The following ERBB4 variants were observed in gnomAD, a reference collection of about 807,000 sequenced individuals.
ERBB4 encodes erb-b2 receptor tyrosine kinase 4.
In ERBB4, 42 loss-of-function variants were observed where a neutral mutation model predicts 158.0. That is an observed-to-expected ratio of 0.27 (90% CI 0.21 to 0.34). ERBB4 has a LOEUF of 0.34. Among genes scored for constraint, ERBB4 ranks in the 10% least tolerant of loss-of-function variants. ERBB4 has a pLI of 1.00. For synonymous variants in ERBB4, 583 were observed against 558.7 expected (o/e 1.04, Z -0.61); for missense variants, 1,333 against 1,624.1 (o/e 0.82, Z 3.08).
intron 19 of ERBB4, among the ~76,000 whole-genome samples, chr2:211,596,955 G>C (rs1020440286): frequency 1.3e-5 from 2 of 152,162 alleles, no homozygotes; most frequent in Non-Finnish European, 2.9e-5. Flanking sequence ...TAGTAGAAAT[G>C]GGTTTTTGCC....
chr2:212,368,640 G>A (rs537595078), intron 1 of ERBB4, among the ~76,000 whole-genome samples: 5 of 152,200 alleles, frequency 3.3e-5, no homozygotes, highest in African/African-American at 1.2e-4. Flanking sequence ...ATAGCTGTTT[G>A]AGGCTGAGGA....
At chr2:211,965,113 A>C in intron 2 of ERBB4, among the ~76,000 whole-genome samples, 1 of 152,212 alleles carries the variant, frequency 6.6e-6, no homozygotes, top group East Asian at 1.9e-4. Flanking sequence ...CCTCTGCAAT[A>C]CCATGAAATA....
chr2:211,893,496 A>G (rs377603626), intron 3 of ERBB4, among the ~76,000 whole-genome samples: 1 of 141,164 alleles, frequency 7.1e-6, no homozygotes, highest in Non-Finnish European at 1.5e-5. Context: ...GGACATAGGC[A>G]TGGGCAAGGA....
intron 3 of ERBB4, among the ~76,000 whole-genome samples, chr2:211,904,316 T>C (rs1297561016): frequency 6.6e-6 from 1 of 152,100 alleles, no homozygotes; most frequent in African/African-American, 2.4e-5. Flanking sequence ...TCATGTACAT[T>C]CTTGAACAGT....
At chr2:211,618,387 T>C (rs952454501) in intron 19 of ERBB4, among the ~76,000 whole-genome samples, 1 of 152,060 alleles carries the variant, frequency 6.6e-6, no homozygotes, top group Non-Finnish European at 1.5e-5. Flanking sequence ...CCCATTTGCA[T>C]TAGTTTTTGT....
chr2:212,082,870 G>A (rs149624983), intron 2 of ERBB4, among the ~76,000 whole-genome samples: 12 of 152,100 alleles, frequency 7.9e-5, no homozygotes, highest in Non-Finnish European at 1.8e-4. Context: ...ACACAAATCA[G>A]AAATTTCCTT....
At chr2:211,831,670 G>A (rs923958075) in intron 3 of ERBB4, among the ~76,000 whole-genome samples, 15 of 152,142 alleles carry the variant, frequency 9.9e-5, no homozygotes, top group Admixed American at 6.6e-5. Context: ...GGGAGGCTGA[G>A]GTGGGTGGAT....
chr2:211,772,924 C>CACACACACACACACAT (rs1181682464), intron 4 of ERBB4, among the ~76,000 whole-genome samples: 6 of 36,724 alleles, frequency 1.6e-4, no homozygotes, highest in African/African-American at 8.9e-4. Context: ...CACACACACA[C>CACACACACACACACAT]ATATATATAT....
In ERBB4 at chr2:211,379,361, A is replaced by C. The variant is rs1480280616; in HGVS notation, c.*4254T>G. The C allele has an allele frequency of 4.4e-6, 1 of 227,956 alleles. No homozygotes were observed. Among genetic ancestry groups the C allele is most frequent in the East Asian group, 6.3e-5 (1 of 15,820 alleles). The allele number at this position is 227,956 out of a possible 1,614,324, so 14.1% of individuals were successfully genotyped here. A position where few individuals can be genotyped will look rare whatever the true frequency, so the allele number is the denominator to read the frequency against. On this transcript the variant is annotated 3_prime_UTR_variant, in exon 28 of 28. Transcript: ENST00000342788. ...AAGGTGGTGTTTATTTAAAAAAATA[A>C]ATAAATACAATTTTCTTTACATTTA... is the stretch of plus-strand genomic sequence containing the variant.
chr2:212,477,806 G>A (rs1490331153), intron 1 of ERBB4, among the ~76,000 whole-genome samples: 1 of 152,094 alleles, frequency 6.6e-6, no homozygotes, highest in African/African-American at 2.4e-5. Flanking sequence ...TGGTCATATG[G>A]ATAGGCCAGA....
chr2:212,524,499 A>T (rs1013357776), intron 1 of ERBB4, among the ~76,000 whole-genome samples: 5 of 151,980 alleles, frequency 3.3e-5, no homozygotes, highest in Non-Finnish European at 5.9e-5. Flanking sequence ...TATAGACACA[A>T]ATGACCCATC....
intron 20 of ERBB4, among the ~76,000 whole-genome samples, chr2:211,469,568 C>A (rs1419238663): frequency 6.6e-6 from 1 of 152,074 alleles, no homozygotes; most frequent in African/African-American, 2.4e-5. Flanking sequence ...AGAGGAAGAT[C>A]TTATAATGAC....
chr2:211,810,969 T>C, intron 3 of ERBB4, among the ~76,000 whole-genome samples: 1 of 152,160 alleles, frequency 6.6e-6, no homozygotes, highest in Non-Finnish European at 1.5e-5. Context: ...CCACCGCGCC[T>C]GGCCCAGTCT....
intron 3 of ERBB4, among the ~76,000 whole-genome samples, chr2:211,874,619 C>G (rs2078444691): frequency 6.6e-6 from 1 of 152,148 alleles, no homozygotes; most frequent in Admixed American, 6.5e-5. Context: ...GACCAGTGCT[C>G]TCTCCATACT....
intron 3 of ERBB4, among the ~76,000 whole-genome samples, chr2:211,806,507 G>C (rs2076619770): frequency 6.6e-6 from 1 of 151,962 alleles, no homozygotes; most frequent in African/African-American, 2.4e-5. Flanking sequence ...GAAAATAAGG[G>C]AGCACAGCAA....
chr2:211,630,153 C>G (rs1036040277), intron 17 of ERBB4, among the ~76,000 whole-genome samples: 5 of 152,198 alleles, frequency 3.3e-5, no homozygotes, highest in Admixed American at 1.3e-4. Context: ...TTTTCTAGAT[C>G]TGCTGCTATT....
intron 1 of ERBB4, among the ~76,000 whole-genome samples, chr2:212,134,061 C>G (rs1031472248): frequency 6.6e-6 from 1 of 152,136 alleles, no homozygotes; most frequent in Non-Finnish European, 1.5e-5. Context: ...TTCTAACCCT[C>G]ATGGAAATGC....
At chr2:212,435,751 G>C (rs1308144988) in intron 1 of ERBB4, among the ~76,000 whole-genome samples, 1 of 151,836 alleles carries the variant, frequency 6.6e-6, no homozygotes, top group East Asian at 1.9e-4. Flanking sequence ...ATTTAGATAA[G>C]AAAACATAGT....
intron 1 of ERBB4, among the ~76,000 whole-genome samples, chr2:212,468,601 T>G (rs1688961597): frequency 6.6e-6 from 1 of 152,188 alleles, no homozygotes; most frequent in Non-Finnish European, 1.5e-5. Context: ...ATTTTGTAAA[T>G]TGTCCCGTCT....
Sources: gnomAD v4.1 joint callset for allele counts (sites outside exome capture counted in the v4.1 genomes callset) on GRCh38, gnomAD v4.1.1 for gene constraint, MANE v1.5 for transcripts, NCBI Gene and HGNC (gene_info 2026-07-23, HGNC 2026-07-21) for gene names.